SYT17: variants seen among roughly 807,000 people sequenced by gnomAD.
SYT17 encodes synaptotagmin 17, also known as synaptotagmin-17.
A neutral mutation model predicts 46.7 loss-of-function variants in SYT17; 22 were observed. That is an observed-to-expected ratio of 0.47 (90% CI 0.34 to 0.67). The LOEUF (loss-of-function observed/expected upper bound fraction) is 0.67, where lower values mean the gene tolerates loss of function less well. SYT17 is among the 30% of genes least tolerant of loss of function. SYT17 has a pLI of 0.01. For missense variants in SYT17, 519 were observed against 612.8 expected (o/e 0.85, Z 1.62); for synonymous variants, 251 against 248.4 (o/e 1.01, Z -0.10).
At position 19,232,840 on chromosome 16, in the gene SYT17, A is replaced by AAAC. The variant is rs371381462; in HGVS notation, c.1228+8005_1228+8007dup. ...GAGCCAGTCCCTATCTCAAAAACAT[A>AAAC]AACAAACAAACAAACAAACAAACAA... On this transcript the variant is annotated intron_variant, in intron 7 of 7. Coordinates refer to ENST00000355377, the MANE Select transcript of SYT17 (RefSeq NM_016524.4). Among the ~76,000 whole-genome samples, 233 of 45,134 alleles carry AAAC rather than the reference A, an allele frequency of 5.2e-3. 5 individuals are homozygous for AAAC. In the East Asian group the frequency reaches 0.15, roughly 28 times the overall value. 29.6% of individuals were successfully genotyped at this position (45,134 alleles called of 152,430 possible).
intron 5 of SYT17, among the ~76,000 whole-genome samples, chr16:19,188,058 A>C (rs1964854031): frequency 6.6e-6 from 1 of 152,254 alleles, no homozygotes. Flanking sequence ...AGCACTATTC[A>C]CAATAGCAAA....
chr16:19,181,837 T>C (rs1252380707), intron 4 of SYT17, among the ~76,000 whole-genome samples: 2 of 151,704 alleles, frequency 1.3e-5, no homozygotes, highest in Non-Finnish European at 2.9e-5. Context: ...CCATCTCTAC[T>C]AAAAATACAA....
chr16:19,218,296 T>C (rs1376584393), intron 5 of SYT17, among the ~76,000 whole-genome samples: 2 of 152,224 alleles, frequency 1.3e-5, no homozygotes, highest in African/African-American at 4.8e-5. Flanking sequence ...ATTAGCCCTC[T>C]TTTTTACTTT....
intron 3 of SYT17, chr16:19,180,062 C>G (rs1964484845): frequency 3.6e-6 from 1 of 280,748 alleles, no homozygotes; most frequent in African/African-American, 2.1e-5. Context: ...ATTGACAGGT[C>G]TCGGGCTTCA....
At position 19,224,632 on chromosome 16, in the gene SYT17, GATT is replaced by G. The variant is rs1313314807; in HGVS notation, c.1073-49_1073-47del. The G allele has an allele frequency of 2.5e-6, 4 of 1,596,970 alleles. No homozygotes were observed. The Admixed American group carries it at 5.0e-5, about 20-fold the overall frequency. On this transcript the variant is annotated intron_variant, in intron 6 of 7. Transcript: ENST00000355377. The stretch of plus-strand genomic sequence containing the variant: ...GGTTGAATGGCAGAATGACTGGACG[GATT>G]AGGTTTCATGATCTCCAACATTCTA...
chr16:19,247,577 T>C (rs1278456210), intron 7 of SYT17, among the ~76,000 whole-genome samples: 1 of 152,212 alleles, frequency 6.6e-6, no homozygotes, highest in Non-Finnish European at 1.5e-5. Context: ...AGCATCCAAT[T>C]GAGACAGATG....
chr16:19,201,607 T>C (rs1054535339), intron 5 of SYT17, among the ~76,000 whole-genome samples: 4 of 142,234 alleles, frequency 2.8e-5, no homozygotes, highest in Admixed American at 1.5e-4. Context: ...TTTTCAATAA[T>C]AGGGAGGGCT....
chr16:19,249,147 G>A (rs926696758), intron 7 of SYT17, among the ~76,000 whole-genome samples: 3 of 152,138 alleles, frequency 2.0e-5, no homozygotes, highest in East Asian at 1.9e-4. Flanking sequence ...GGTGGCAGGC[G>A]ACTGTAGTCC....
intron 7 of SYT17, among the ~76,000 whole-genome samples, chr16:19,252,091 G>A (rs1431609842): frequency 1.3e-5 from 2 of 151,524 alleles, no homozygotes; most frequent in South Asian, 4.2e-4. Flanking sequence ...GAACCCAGGA[G>A]GCGGAAATTG....
At chr16:19,173,914 G>A (rs890890663) in intron 3 of SYT17, among the ~76,000 whole-genome samples, 3 of 152,178 alleles carry the variant, frequency 2.0e-5, no homozygotes, top group Admixed American at 6.5e-5. Flanking sequence ...TCTGTGAGCC[G>A]AGCCTCTATA....
rs1210239381 is a variant in SYT17, at chr16:19,168,484, G to T, written c.-163G>T. 6.5e-6 allele frequency: 6 copies of T among 919,790 alleles called. No individual in the cohort carries two copies. The highest frequency in any genetic ancestry group is 1.6e-6 in the Non-Finnish European group (1 of 618,818). 57.0% of individuals were successfully genotyped at this position (919,790 alleles called of 1,614,324 possible). A position where few individuals can be genotyped will look rare whatever the true frequency, so the allele number is the denominator to read the frequency against. On this transcript the variant is annotated 5_prime_UTR_variant, in exon 1 of 8. Coordinates refer to ENST00000355377, the MANE Select transcript of SYT17 (RefSeq NM_016524.4). The surrounding 1 kb of genome is among the most constrained non-coding windows in gnomAD (Gnocchi z 6.9). The stretch of plus-strand genomic sequence containing the variant: ...GAAAGGCAAGGACGGGGCGGCCGGC[G>T]GAGGGGCGGGCGCCGCTCATCAGCC...
At chr16:19,191,945 C>A (rs956824744) in intron 5 of SYT17, among the ~76,000 whole-genome samples, 1 of 152,104 alleles carries the variant, frequency 6.6e-6, no homozygotes, top group African/African-American at 2.4e-5. Flanking sequence ...CCACCACACC[C>A]AGTTAATTTT....
At chr16:19,247,928 T>G (rs1967700393) in intron 7 of SYT17, among the ~76,000 whole-genome samples, 1 of 151,702 alleles carries the variant, frequency 6.6e-6, no homozygotes, top group South Asian at 2.1e-4. Context: ...GTCAAGAAAA[T>G]AAAAAGCCAA....
chr16:19,180,655 C>T, intron 4 of SYT17, 116 bp downstream of exon 4: 1 of 1,269,294 alleles, frequency 7.9e-7, no homozygotes, highest in Non-Finnish European at 1.1e-6. Context: ...AGTGGGATGA[C>T]AGTCCAGGAG....
intron 5 of SYT17, among the ~76,000 whole-genome samples, chr16:19,191,037 G>C (rs80202052): frequency 0.059 from 9,002 of 152,086 alleles, 368 homozygotes; most frequent in Non-Finnish European, 0.085. Flanking sequence ...GGAAGAACAA[G>C]GGCAGTGGAG....
intron 5 of SYT17, among the ~76,000 whole-genome samples, chr16:19,214,176 A>C (rs751619886): frequency 6.6e-6 from 1 of 152,174 alleles, no homozygotes; most frequent in South Asian, 2.1e-4. Context: ...AGGTTGATGC[A>C]AGTTGGATGT....
At chr16:19,230,885 G>C (rs758461965) in intron 7 of SYT17, among the ~76,000 whole-genome samples, 1 of 152,204 alleles carries the variant, frequency 6.6e-6, no homozygotes, top group African/African-American at 2.4e-5. Flanking sequence ...GCTTGGCTCA[G>C]AGAAAGTCCT....
At chr16:19,236,553 G>T (rs1257553384) in intron 7 of SYT17, among the ~76,000 whole-genome samples, 1 of 152,026 alleles carries the variant, frequency 6.6e-6, no homozygotes, top group African/African-American at 2.4e-5. Flanking sequence ...CCTCCCTCAG[G>T]TTCAATAATT....
chr16:19,243,056 A>G (rs1022246754), intron 7 of SYT17, among the ~76,000 whole-genome samples: 52 of 152,170 alleles, frequency 3.4e-4, no homozygotes, highest in Admixed American at 1.1e-3. Context: ...GCCTCCCCCC[A>G]TGCCCTGCAT....
Sources: allele counts gnomAD v4.1 joint callset (sites outside exome capture counted in the v4.1 genomes callset), GRCh38; gene constraint gnomAD v4.1.1; non-coding constraint Gnocchi (gnomAD v3.1); transcripts MANE v1.5; gene names NCBI Gene and HGNC (gene_info 2026-07-23, HGNC 2026-07-21).